The following NSD1 variants were observed in gnomAD, a reference collection of about 807,000 sequenced individuals.
The protein encoded by NSD1 is nuclear receptor binding SET domain protein 1, also known as histone-lysine N-methyltransferase, H3 lysine-36 specific.
NSD1 carries 26 observed loss-of-function variants against 242.7 expected under a neutral mutation model. That is an observed-to-expected ratio of 0.11 (90% CI 0.08 to 0.15). NSD1 has a LOEUF of 0.15. NSD1 is among the 10% of genes least tolerant of loss of function. NSD1 has a pLI of 1.00. For missense variants in NSD1, 2,495 were observed against 3,272.8 expected, an observed-to-expected ratio of 0.76 and a Z score of 5.80; for synonymous variants, 1,106 against 1,178.1, an observed-to-expected ratio of 0.94 and a Z score of 1.25.
At chr5:177,183,195 T>G (rs895967839) in intron 2 of NSD1, among the ~76,000 whole-genome samples, 3 of 152,180 alleles carry the variant, frequency 2.0e-5, no homozygotes, top group Admixed American at 1.3e-4. Flanking sequence ...ATTTATACAT[T>G]GAATACAACA....
rs1562211045 is a variant in NSD1, at chr5:177,211,377, C to T, written c.2978C>T (p.Ala993Val). The T allele has an allele frequency of 6.2e-7, 1 of 1,614,102 alleles. No homozygotes were observed. Among genetic ancestry groups the T allele is most frequent in the East Asian group, 2.2e-5 (1 of 44,882 alleles). The change falls in exon 5 of 23, where the codon GCT becomes GTT. Residue 993 changes from alanine (A) to valine (V), a missense_variant. Ala to Val is a moderately conservative substitution (Grantham distance 64, BLOSUM62 0). Transcript: ENST00000439151. ...GDSALSGELS[A>V]SLPGLLSDKR... ...TCTGCATTATCTGGCGAGTTGTCTG[C>T]TTCCCTACCTGGCTTACTGTCCGAC... is the stretch of plus-strand genomic sequence containing the variant.
intron 2 of NSD1, among the ~76,000 whole-genome samples, chr5:177,149,545 A>G (rs1757533199): frequency 6.6e-6 from 1 of 152,050 alleles, no homozygotes; most frequent in Non-Finnish European, 1.5e-5. Flanking sequence ...TGTAGTCTAG[A>G]TTAGCAGTCC....
At chr5:177,255,773 C>T (rs865981842) in intron 12 of NSD1, among the ~76,000 whole-genome samples, 8 of 151,982 alleles carry the variant, frequency 5.3e-5, no homozygotes, top group African/African-American at 9.7e-5. Context: ...CTAGTAGAGA[C>T]GGTGTCTCAC....
chr5:177,256,617 T>A (rs1461716957), intron 12 of NSD1, among the ~76,000 whole-genome samples: 1 of 152,216 alleles, frequency 6.6e-6, no homozygotes, highest in African/African-American at 2.4e-5. Flanking sequence ...CCTGGAGGTA[T>A]CCCCTTAACT....
intron 20 of NSD1, among the ~76,000 whole-genome samples, chr5:177,285,038 C>T (rs1759195653): frequency 6.6e-6 from 1 of 152,182 alleles, no homozygotes; most frequent in South Asian, 2.1e-4. Flanking sequence ...CACCTGGGTG[C>T]TTGTCTCTCT....
chr5:177,137,634 C>T (rs967329776), intron 2 of NSD1, among the ~76,000 whole-genome samples: 9 of 152,084 alleles, frequency 5.9e-5, no homozygotes, highest in African/African-American at 2.2e-4. Context: ...TTCTTGGGTT[C>T]ACGTTGAAAT....
At chr5:177,155,290 A>C (rs1225119050) in intron 2 of NSD1, among the ~76,000 whole-genome samples, 2 of 147,330 alleles carry the variant, frequency 1.4e-5, no homozygotes, top group Non-Finnish European at 3.0e-5. Context: ...CGCCTGGCCT[A>C]ATTTTTGTAT....
rs1367278885 is a variant in NSD1, at chr5:177,211,672, T to G, written c.3273T>G (p.Leu1091=). 4 of 1,614,080 alleles carry G rather than the reference T, an allele frequency of 2.5e-6. No individual in the cohort carries two copies. The highest frequency in any genetic ancestry group is 3.4e-6 in the Non-Finnish European group (4 of 1,180,002). Residue 1091 remains leucine (L), a synonymous_variant, in exon 5 of 23, where the codon CTT becomes CTG. Coordinates refer to ENST00000439151, the MANE Select transcript of NSD1 (RefSeq NM_022455.5). ...AAGATCCTAGTAAAGAGGATCCCCT[T>G]CAGATAATGGGCCACTTAACAAGTG... ...GAEDPSKEDP[L]QIMGHLTSED...
chr5:177,143,158 A>G (rs768278341), intron 2 of NSD1, among the ~76,000 whole-genome samples: 1 of 152,094 alleles, frequency 6.6e-6, no homozygotes, highest in Non-Finnish European at 1.5e-5. Context: ...AGCCTTCATC[A>G]TTTTCAATGG....
chr5:177,283,707 T>A, intron 19 of NSD1, 80 bp from the exon 20 acceptor site: 1 of 1,498,820 alleles, frequency 6.7e-7, no homozygotes, highest in South Asian at 1.1e-5. Context: ...AAACTCCAAC[T>A]TATTAGAGAG....
At chr5:177,237,313 A>G (rs2149885779) in intron 6 of NSD1, among the ~76,000 whole-genome samples, 1 of 152,184 alleles carries the variant, frequency 6.6e-6, no homozygotes, top group Non-Finnish European at 1.5e-5. Context: ...CTTGAAAGGC[A>G]GAATAAGTGC....
chr5:177,243,592 TC>T (rs1335120032), intron 8 of NSD1, among the ~76,000 whole-genome samples: 1 of 152,222 alleles, frequency 6.6e-6, no homozygotes. Context: ...TCCATTTCAG[TC>T]ACAGAAAGCA....
chr5:177,220,458 T>TA, intron 5 of NSD1, among the ~76,000 whole-genome samples: 1 of 152,182 alleles, frequency 6.6e-6, no homozygotes, highest in South Asian at 2.1e-4. Context: ...AAATCTTAGG[T>TA]GAGCCTTTTA....
Position 177,267,611 on chromosome 5 carries a change from A to G in NSD1, c.5196A>G (p.Glu1732=), listed in dbSNP as rs1177395683. Residue 1732 remains glutamate (E), a synonymous_variant, in exon 15 of 23, where the codon GAA becomes GAG. Transcript: ENST00000439151. ...CDSCPAAFHR[E]CLNIDIPEGN... is the part of the protein sequence containing the mutation. ...CTTGCCCTGCTGCTTTTCATCGTGA[A>G]TGCCTGAACATTGATATCCCTGAAG... 3 of 1,614,112 alleles carry G rather than the reference A, an allele frequency of 1.9e-6. No individual in the cohort carries two copies. The highest frequency in any genetic ancestry group is 2.5e-6 in the Non-Finnish European group (3 of 1,180,006).
Position 177,294,336 on chromosome 5 carries a change from C to G in NSD1, c.6968C>G (p.Ala2323Gly), listed in dbSNP as rs2127280548. Residue 2323 changes from alanine to glycine, a missense_variant, in exon 23 of 23, where the codon GCA becomes GGA. Ala to Gly is a moderately conservative substitution (Grantham distance 60, BLOSUM62 0). Around this residue, in one of 19 missense-constraint regions of NSD1, gnomAD observed 475 missense variants for 563.7 expected, o/e 0.84. Transcript: ENST00000439151. The part of the protein sequence containing the change: ...QRPLDRPPAV[A>G]GPRPQLSDKP... ...CCACTGGACAGGCCACCAGCAGTGG[C>G]AGGACCAAGACCCCAGCTAAGCGAC... The G allele has an allele frequency of 6.2e-7, 1 of 1,614,216 alleles. No individual in the cohort carries two copies. The highest frequency in any genetic ancestry group is 2.2e-5 in the East Asian group (1 of 44,888).
chr5:177,192,823 G>A (rs574400413), intron 3 of NSD1, among the ~76,000 whole-genome samples: 1 of 152,290 alleles, frequency 6.6e-6, no homozygotes, highest in East Asian at 1.9e-4. Context: ...GAGCCACTGT[G>A]CCCGGCTGAT....
chr5:177,158,399 C>T (rs961581898), intron 2 of NSD1, among the ~76,000 whole-genome samples: 18 of 151,108 alleles, frequency 1.2e-4, no homozygotes, highest in African/African-American at 4.1e-4. Flanking sequence ...AGTGCAGTGG[C>T]ATGGTCTTGG....
In NSD1 at chr5:177,294,720, G is replaced by A. The variant is rs200115665; in HGVS notation, c.7352G>A (p.Arg2451Lys). Residue 2451 changes from arginine to lysine, a missense_variant, in exon 23 of 23, where the codon AGA (arginine) becomes AAA (lysine). Physicochemically the swap from Arg to Lys is conservative, Grantham distance 26. This residue lies in a region of NSD1 where 475 missense variants were observed against 563.7 expected (regional missense o/e 0.84). Transcript: ENST00000439151. ...PVDQNTQSKNRAALVMDLIDL... is the reference protein window; with the variant it reads ...PVDQNTQSKNKAALVMDLIDL... ...GACCAGAATACTCAGTCAAAAAATA[G>A]AGCTGCTTTGGTGATGGATCTCATA... 337 of 1,614,100 alleles carry A rather than the reference G, an allele frequency of 2.1e-4. No individual in the cohort carries two copies. Among genetic ancestry groups the A allele is most frequent in the Non-Finnish European group, 2.8e-4 (325 of 1,180,040 alleles).
intron 4 of NSD1, among the ~76,000 whole-genome samples, chr5:177,205,571 T>C (rs1454019741): frequency 6.6e-6 from 1 of 151,870 alleles, no homozygotes; most frequent in African/African-American, 2.4e-5. Flanking sequence ...TAAACACTTT[T>C]AAGTGTACAG....
Sources: gnomAD v4.1 joint callset for allele counts (sites outside exome capture counted in the v4.1 genomes callset) on GRCh38, gnomAD v4.1.1 for gene constraint, gnomAD v4.1.1 regional missense constraint, MANE v1.5 for transcripts, NCBI Gene and HGNC (gene_info 2026-07-23, HGNC 2026-07-21) for gene names.